Variants in SLC17A5 observed in about 807,000 individuals in gnomAD.
SLC17A5 encodes sialin.
In SLC17A5, 47 loss-of-function variants were observed where a neutral mutation model predicts 59.4. The ratio of observed to expected loss-of-function variants is 0.79; its 90% CI spans 0.63 to 1.01. The LOEUF (loss-of-function observed/expected upper bound fraction) is 1.01, where lower values mean the gene tolerates loss of function less well. Among genes scored for constraint, SLC17A5 ranks in the 50% least tolerant of loss-of-function variants. SLC17A5 has a pLI of 0.00. For synonymous variants in SLC17A5, 202 were observed against 210.7 expected (o/e 0.96, Z 0.36); for missense variants, 522 against 595.5 (o/e 0.88, Z 1.28).
Position 73,600,354 on chromosome 6 carries a change from A to G in SLC17A5, c.1347T>C (p.Pro449=). The change falls in exon 10 of 11, where the codon CCT becomes CCC. Residue 449 remains proline (P), a synonymous_variant. Transcript: ENST00000355773. ...VGPVIAKSLT[P]DNTVGEWQTV... ...TACAAGTAAATTATCTACTTACATCAGGGGTCAGACTTTTAGCAATGACGG... is the reference window on the plus strand; with the variant it reads ...TACAAGTAAATTATCTACTTACATCGGGGGTCAGACTTTTAGCAATGACGG... 6.2e-7 allele frequency: 1 copy of G among 1,611,844 alleles called. No homozygotes were observed. Among genetic ancestry groups the G allele is most frequent in the Non-Finnish European group, 8.5e-7 (1 of 1,177,952 alleles).
intron 8 of SLC17A5, among the ~76,000 whole-genome samples, chr6:73,613,414 G>A (rs1468049546): frequency 6.6e-6 from 1 of 151,654 alleles, no homozygotes; most frequent in African/African-American, 2.4e-5. Flanking sequence ...TGCCCAGGCT[G>A]GAGTGCAGTG....
chr6:73,620,817 GT>G (rs1301737266), intron 7 of SLC17A5, among the ~76,000 whole-genome samples: 1 of 151,872 alleles, frequency 6.6e-6, no homozygotes, highest in Admixed American at 6.6e-5. Flanking sequence ...CGCCTCCTGG[GT>G]TCAAGAGATT....
chr6:73,638,228 G>A lies in SLC17A5; in HGVS notation c.613+184C>T, dbSNP rs16883994. On this transcript the variant is annotated intron_variant, in intron 4 of 10. Transcript: ENST00000355773. ...GAAAATGACATTAGTCAATTAAGCT[G>A]CATTACTATAAGTTGTTGAGCCAAA... is the stretch of plus-strand genomic sequence containing the variant. 0.015 allele frequency among the ~76,000 whole-genome samples: 2,280 copies of A among 152,230 alleles called. 57 individuals are homozygous for A. The highest frequency in any genetic ancestry group is 0.11 in the East Asian group (566 of 5,192).
At chr6:73,628,784 T>C (rs945312034) in intron 6 of SLC17A5, among the ~76,000 whole-genome samples, 1 of 152,142 alleles carries the variant, frequency 6.6e-6, no homozygotes, top group Non-Finnish European at 1.5e-5. Context: ...TTTTTTTCCA[T>C]ATAAGTTGAA....
intron 6 of SLC17A5, among the ~76,000 whole-genome samples, chr6:73,630,620 C>G (rs1239224725): frequency 6.6e-6 from 1 of 152,140 alleles, no homozygotes; most frequent in Admixed American, 6.6e-5. Context: ...ACCTGACTTC[C>G]AGCTGTTCCT....
At chr6:73,599,725 T>TAGG (rs1398070842) in intron 10 of SLC17A5, among the ~76,000 whole-genome samples, 1 of 152,196 alleles carries the variant, frequency 6.6e-6, no homozygotes, top group African/African-American at 2.4e-5. Context: ...GGAGAAGAAG[T>TAGG]AGGAACACTA....
intron 6 of SLC17A5, among the ~76,000 whole-genome samples, chr6:73,633,857 G>A (rs1375643832): frequency 6.6e-6 from 1 of 151,528 alleles, no homozygotes; most frequent in Non-Finnish European, 1.5e-5. Flanking sequence ...TCCAGCCTGG[G>A]TGAGAGAGCG....
At chr6:73,619,026 AG>A (rs1768011367) in intron 7 of SLC17A5, among the ~76,000 whole-genome samples, 1 of 152,076 alleles carries the variant, frequency 6.6e-6, no homozygotes, top group African/African-American at 2.4e-5. Context: ...CGGCCACTGT[AG>A]GGTTATTAAC....
intron 10 of SLC17A5, among the ~76,000 whole-genome samples, chr6:73,599,860 G>T (rs116598673): frequency 0.015 from 2,241 of 151,612 alleles, 70 homozygotes; most frequent in African/African-American, 0.051. Context: ...GTGCAGTGGT[G>T]ATGTTGGCTT....
rs1441971789 is a variant in SLC17A5, at chr6:73,601,794, C to T, written c.1260-1353G>A. 6.3e-5 allele frequency among the ~76,000 whole-genome samples: 9 copies of T among 142,982 alleles called. No individual in the cohort carries two copies. The East Asian group carries it at 8.8e-4, about 14-fold the overall frequency. The allele number at this position is 142,982 out of a possible 152,430, so 93.8% of individuals were successfully genotyped here. On this transcript the variant is annotated intron_variant, in intron 9 of 10. Transcript: ENST00000355773. ...TGAGGAGCCCCTCTGCCCGGCCAGCCGCTCCGTCCGGGAGGGAGGTGGGGG... is the reference window on the plus strand; with the variant it reads ...TGAGGAGCCCCTCTGCCCGGCCAGCTGCTCCGTCCGGGAGGGAGGTGGGGG...
chr6:73,652,256 G>C (rs1310535348), intron 1 of SLC17A5, among the ~76,000 whole-genome samples: 1 of 152,180 alleles, frequency 6.6e-6, no homozygotes, highest in Non-Finnish European at 1.5e-5. Flanking sequence ...GAATCAAGTA[G>C]GGATTGTTTT....
chr6:73,619,360 G>GCCTGCA (rs11283691), intron 7 of SLC17A5, among the ~76,000 whole-genome samples: 32,911 of 151,866 alleles, frequency 0.22, 4,434 homozygotes, highest in African/African-American at 0.35. Flanking sequence ...AAGGAGGCAT[G>GCCTGCA]CCACGCTTCT....
intron 6 of SLC17A5, among the ~76,000 whole-genome samples, chr6:73,626,581 C>A (rs1282586137): frequency 2.6e-5 from 4 of 152,096 alleles, no homozygotes; most frequent in African/African-American, 9.7e-5. Context: ...TAAAAAAATC[C>A]TTCAAGAGTT....
chr6:73,626,552 CG>C (rs1768427502), intron 6 of SLC17A5, among the ~76,000 whole-genome samples: 1 of 152,068 alleles, frequency 6.6e-6, no homozygotes, highest in South Asian at 2.1e-4. Flanking sequence ...AAACTATCCG[CG>C]TATCTAGCAG....
intron 6 of SLC17A5, among the ~76,000 whole-genome samples, chr6:73,631,000 C>T (rs542099785): frequency 5.4e-5 from 8 of 149,154 alleles, no homozygotes; most frequent in Admixed American, 4.0e-4. Flanking sequence ...GAGCTGAGAT[C>T]GTGCCATTGT....
At chr6:73,636,575 A>G (rs1256189596) in intron 5 of SLC17A5, 46 bp downstream of exon 5, 1 of 1,090,498 alleles carries the variant, frequency 9.2e-7, no homozygotes, top group Non-Finnish European at 1.4e-6. Flanking sequence ...CTATTATTAC[A>G]TTTTGAATTT....
chr6:73,596,315 A>G (rs1211103566), intron 10 of SLC17A5, among the ~76,000 whole-genome samples: 2 of 152,174 alleles, frequency 1.3e-5, no homozygotes, highest in African/African-American at 2.4e-5. Flanking sequence ...GATGAACTCA[A>G]GTTCAGCTTT....
rs886201628 is a variant in SLC17A5 at position 73,653,674 on chromosome 6, G to T, written c.94+119C>A. On this transcript the variant is annotated intron_variant, in intron 1 of 10. Coordinates refer to ENST00000355773, the MANE Select transcript of SLC17A5 (RefSeq NM_012434.5). ...GGCTCCCCTCTTAATGTCCCCTCGC[G>T]CCTGAGCAGCTCCGGTCCCGCCGGC... The T allele has an allele frequency of 3.6e-6, 4 of 1,124,626 alleles. No individual in the cohort carries two copies. The African/African-American group carries it at 6.3e-5, about 18-fold the overall frequency. The allele number at this position is 1,124,626 out of a possible 1,614,324, so 69.7% of individuals were successfully genotyped here. A position where few individuals can be genotyped will look rare whatever the true frequency, so the allele number is the denominator to read the frequency against.
rs1000794412 is a variant in SLC17A5, at chr6:73,635,232, C to A, written c.819+150G>T. The A allele has an allele frequency of 5.0e-5, 28 of 565,512 alleles. 1 individual carries two copies. The South Asian group carries it at 5.7e-4, about 12-fold the overall frequency. 35.0% of individuals were successfully genotyped at this position (565,512 alleles called of 1,614,324 possible). A position where few individuals can be genotyped will look rare whatever the true frequency, so the allele number is the denominator to read the frequency against. ...TACAAGTGTGAGCCACTGCACCCAG[C>A]CAGACAATACTTTGGATGTTCATTT... On this transcript the variant is annotated intron_variant, in intron 6 of 10. Transcript: ENST00000355773.
Sources: allele counts gnomAD v4.1 joint callset (sites outside exome capture counted in the v4.1 genomes callset), GRCh38; gene constraint gnomAD v4.1.1; transcripts MANE v1.5; gene names NCBI Gene and HGNC (gene_info 2026-07-23, HGNC 2026-07-21).